The following ODF2 variants were observed in gnomAD, a reference collection of about 807,000 sequenced individuals.
ODF2 encodes the protein outer dense fiber protein 2.
A neutral mutation model predicts 110.2 loss-of-function variants in ODF2; 47 were observed. That is an observed-to-expected ratio of 0.43 (90% CI 0.34 to 0.54). The LOEUF (loss-of-function observed/expected upper bound fraction) is 0.54, where lower values mean the gene tolerates loss of function less well. Ranked by LOEUF, ODF2 falls within the 20% of genes least tolerant of loss-of-function variation. The probability of loss-of-function intolerance (pLI) is 0.03; values close to 1 mark genes in which losing one functional copy is unlikely to be tolerated. For missense variants in ODF2, 812 were observed against 1,054.5 expected (o/e 0.77, Z 3.19); for synonymous variants, 352 against 397.7 (o/e 0.89, Z 1.37).
At chr9:128,466,629 G>C (rs1837980093) in intron 4 of ODF2, among the ~76,000 whole-genome samples, 1 of 146,898 alleles carries the variant, frequency 6.8e-6, no homozygotes, top group Admixed American at 6.9e-5. Flanking sequence ...CAAGGAGTAA[G>C]TAGTCACACT....
rs1843157961 is a variant in ODF2, at chr9:128,485,335, C to A, written c.1291-30C>A. 8.0e-7 allele frequency: 1 copy of A among 1,243,766 alleles called. No individual in the cohort carries two copies. Among genetic ancestry groups the A allele is most frequent in the Non-Finnish European group, 1.2e-6 (1 of 851,894 alleles). 77.0% of individuals were successfully genotyped at this position (1,243,766 alleles called of 1,614,324 possible). ...TGGCAGCCTCACCACTGACACTAGG[C>A]TAACAGGCCCTTTTGTCCCGTGTTC... On this transcript the variant is annotated intron_variant, in intron 12 of 20. Coordinates refer to ENST00000604420, the Ensembl canonical transcript of ODF2. This position sits in a 1 kb window ranked among gnomAD's most constrained non-coding sequence, Gnocchi z 5.0.
At chr9:128,487,917 A>G (rs1045395281) in exon 14 of ODF2, 3 of 1,614,076 alleles carry the variant, frequency 1.9e-6, no homozygotes, top group East Asian at 2.2e-5. Context: ...TAAACCAACA[A>G]CAAACCCTGG....
intron 5 of ODF2, 46 bp from the exon 6 acceptor site, chr9:128,471,262 G>T: frequency 1.9e-6 from 3 of 1,565,734 alleles, no homozygotes; most frequent in Non-Finnish European, 2.6e-6. Context: ...GTGGCATAGA[G>T]GAAGGACCTC....
chr9:128,497,465 ATATATATATATATATATATATG>A (rs1158927968), intron 18 of ODF2: 2 of 106,376 alleles, frequency 1.9e-5, no homozygotes, highest in Non-Finnish European at 3.7e-5. Flanking sequence ...ATATATATAT[ATATATATATATATATATATATG>A]TATAAAATTA....
Position 128,485,600 on chromosome 9 carries a change from A to C in ODF2, c.1400+126A>C. On this transcript the variant is annotated intron_variant, in intron 13 of 20. Coordinates refer to ENST00000604420, the Ensembl canonical transcript of ODF2. This position sits in a 1 kb window ranked among gnomAD's most constrained non-coding sequence, Gnocchi z 5.0. The stretch of plus-strand genomic sequence containing the variant: ...TTGTACTCTCCGGGTTGGGGGCTGC[A>C]CTGGGCTGTGATGTGGGTAGCCCTG... 3.2e-6 allele frequency: 2 copies of C among 622,188 alleles called. No individual in the cohort carries two copies. Among genetic ancestry groups the C allele is most frequent in the Non-Finnish European group, 5.8e-6 (2 of 341,886 alleles). 38.5% of individuals were successfully genotyped at this position (622,188 alleles called of 1,614,324 possible).
chr9:128,491,930 G>T (rs983899757), intron 14 of ODF2, among the ~76,000 whole-genome samples: 1 of 144,016 alleles, frequency 6.9e-6, no homozygotes, highest in South Asian at 2.2e-4. Flanking sequence ...GCAGGGGCAC[G>T]ATCTCACCTT....
intron 9 of ODF2, 31 bp from the exon 10 acceptor site, chr9:128,482,785 G>A: frequency 6.3e-7 from 1 of 1,598,804 alleles, no homozygotes; most frequent in Non-Finnish European, 8.5e-7. Flanking sequence ...GCCCTTCCCA[G>A]GGGCACCTGA....
intron 18 of ODF2, 86 bp from the exon 19 acceptor site, chr9:128,498,327 G>C: frequency 1.4e-6 from 2 of 1,428,752 alleles, no homozygotes; most frequent in Non-Finnish European, 1.8e-6. Flanking sequence ...GAGATCCCCA[G>C]TCCAGGAGAG....
At chr9:128,499,199 G>T in intron 20 of ODF2, 73 bp downstream of exon 20, 1 of 1,570,560 alleles carries the variant, frequency 6.4e-7, no homozygotes, top group East Asian at 2.3e-5. Context: ...GTGGGCCAAG[G>T]TGTTTTGTTG....
rs150592553 is a variant in ODF2, at chr9:128,486,397, T to C, written c.1400+923T>C. ...CAGGGGAGGGGTCAGGGACAAGATG[T>C]CTTGAAGTCTGAACTGGGTTTTTAA... On this transcript the variant is annotated intron_variant, in intron 13 of 20. Transcript: ENST00000604420. 5.2e-3 allele frequency among the ~76,000 whole-genome samples: 789 copies of C among 152,270 alleles called. 6 individuals are homozygous for C. Among genetic ancestry groups the C allele is most frequent in the African/African-American group, 0.018 (755 of 41,540 alleles).
intron 17 of ODF2, among the ~76,000 whole-genome samples, chr9:128,495,550 T>G (rs867951563): frequency 4.6e-5 from 7 of 152,242 alleles, no homozygotes; most frequent in African/African-American, 1.7e-4. Flanking sequence ...CTGAGGCTTC[T>G]GCATAAAACA....
chr9:128,481,717 G>T, intron 9 of ODF2, 66 bp downstream of exon 9: 3 of 1,277,266 alleles, frequency 2.3e-6, no homozygotes, highest in Non-Finnish European at 3.4e-6. Flanking sequence ...CCACTACAAA[G>T]TGTAGAGGTG....
At chr9:128,456,061 A>G, upstream of ODF2, 2 of 1,510,788 alleles carry the variant, frequency 1.3e-6, no homozygotes, top group South Asian at 1.2e-5. Flanking sequence ...GGCGAAACCC[A>G]AGCGGCTCCC....
chr9:128,472,320 G>T (rs1052480262), intron 6 of ODF2, among the ~76,000 whole-genome samples: 2 of 152,138 alleles, frequency 1.3e-5, no homozygotes, highest in African/African-American at 4.8e-5. Flanking sequence ...TAATCCTCCT[G>T]CCTCAGCCTC....
intron 10 of ODF2, among the ~76,000 whole-genome samples, chr9:128,483,693 T>C (rs1395249360): frequency 1.3e-5 from 2 of 151,928 alleles, no homozygotes; most frequent in Non-Finnish European, 2.9e-5. Context: ...GAGACCAGTC[T>C]GGCCAACATG....
chr9:128,466,834 G>A (rs1332122252), intron 4 of ODF2, among the ~76,000 whole-genome samples: 2 of 147,872 alleles, frequency 1.4e-5, no homozygotes, highest in Non-Finnish European at 3.0e-5. Flanking sequence ...AAAATTAGCC[G>A]GGCATGGTGG....
rs1207881383 is a variant in ODF2, at chr9:128,494,854, A to G, written c.1911+186A>G. ...GTGCCAAATGCCATGTGTTTGCACA[A>G]AGTGATTGTAGTTATAGGAGCCGTC... On this transcript the variant is annotated intron_variant, in intron 17 of 20. Transcript: ENST00000604420. The surrounding 1 kb of genome is among the most constrained non-coding windows in gnomAD (Gnocchi z 4.6). 6.8e-7 allele frequency: 1 copy of G among 1,479,280 alleles called. No homozygotes were observed. The highest frequency in any genetic ancestry group is 2.5e-5 in the East Asian group (1 of 40,402). The allele number at this position is 1,479,280 out of a possible 1,614,324, so 91.6% of individuals were successfully genotyped here.
At chr9:128,472,861 C>A in intron 6 of ODF2, 52 bp from the exon 7 acceptor site, 1 of 1,610,146 alleles carries the variant, frequency 6.2e-7, no homozygotes, top group South Asian at 1.1e-5. Context: ...CCTTGGATCT[C>A]TGGGCATGCG....
chr9:128,498,522 T>C, exon 19 of ODF2: 3 of 1,611,604 alleles, frequency 1.9e-6, no homozygotes, highest in Non-Finnish European at 1.7e-6. Flanking sequence ...AACACGGGAA[T>C]GTGGGACCCT....
Sources: gnomAD v4.1 joint callset for allele counts (sites outside exome capture counted in the v4.1 genomes callset) on GRCh38, gnomAD v4.1.1 for gene constraint, Gnocchi (gnomAD v3.1) non-coding constraint, MANE v1.5 for transcripts, NCBI Gene and HGNC (gene_info 2026-07-23, HGNC 2026-07-21) for gene names.